Variants in OTOGL observed in about 807,000 individuals in gnomAD.
OTOGL encodes the protein otogelin like.
A neutral mutation model predicts 318.5 loss-of-function variants in OTOGL; 285 were observed. The ratio of observed to expected loss-of-function variants is 0.89; its 90% CI spans 0.81 to 0.99. The LOEUF is 0.99. OTOGL is among the 50% of genes least tolerant of loss of function. The pLI is 0.00. For missense variants in OTOGL, 2,899 were observed against 2,845.6 expected (o/e 1.02, Z -0.43); for synonymous variants, 987 against 936.5 (o/e 1.05, Z -0.99).
intron 1 of OTOGL, among the ~76,000 whole-genome samples, chr12:80,114,273 G>A (rs1424557131): frequency 1.3e-5 from 2 of 151,990 alleles, no homozygotes; most frequent in African/African-American, 4.8e-5. Context: ...TCCATATTTA[G>A]TGCTTCCTTC....
rs1886783866 is a variant in OTOGL, at chr12:80,313,566, G to T, written c.3541G>T (p.Ala1181Ser). 6.2e-7 allele frequency: 1 copy of T among 1,612,022 alleles called. No individual in the cohort carries two copies. Among genetic ancestry groups the T allele is most frequent in the African/African-American group, 1.3e-5 (1 of 74,798 alleles). The change falls in exon 31 of 59, where the codon GCT becomes TCT. Residue 1181 changes from alanine to serine, a missense_variant. Physicochemically the swap from Ala to Ser is moderately conservative, Grantham distance 99. Coordinates refer to ENST00000547103, the MANE Select transcript of OTOGL (RefSeq NM_001378609.3). ...CTGTGAGTGTTTGTGCACTAGTATA[G>T]CTGCATATGCATACAAGTGTTGTCA... is the stretch of plus-strand genomic sequence containing the variant. ...GDCECLCTSI[A>S]AYAYKCCQEG...
intron 7 of OTOGL, among the ~76,000 whole-genome samples, chr12:80,225,901 T>C (rs1878796826): frequency 6.6e-6 from 1 of 152,164 alleles, no homozygotes. Context: ...TAAATTCTAT[T>C]TTATTTTTAT....
chr12:80,139,921 C>T (rs1871820678), intron 1 of OTOGL, among the ~76,000 whole-genome samples: 1 of 152,100 alleles, frequency 6.6e-6, no homozygotes, highest in African/African-American at 2.4e-5. Context: ...CTGACTATTC[C>T]CTAAACTGAT....
At chr12:80,160,203 C>T (rs1873411566) in intron 1 of OTOGL, among the ~76,000 whole-genome samples, 1 of 151,818 alleles carries the variant, frequency 6.6e-6, no homozygotes, top group Admixed American at 6.6e-5. Flanking sequence ...ACTTTATGAC[C>T]AAGAACCCAA....
At chr12:80,241,944 A>C (rs1194279854) in intron 11 of OTOGL, among the ~76,000 whole-genome samples, 1 of 152,048 alleles carries the variant, frequency 6.6e-6, no homozygotes, top group Non-Finnish European at 1.5e-5. Flanking sequence ...TTAAAAAGGG[A>C]GAAAAAAAAC....
Position 80,318,581 on chromosome 12 carries a change from G to A in OTOGL, c.3670G>A (p.Gly1224Arg). 7.1e-7 allele frequency: 1 copy of A among 1,417,944 alleles called. No individual in the cohort carries two copies. The highest frequency in any genetic ancestry group is 9.2e-7 in the Non-Finnish European group (1 of 1,086,360). The allele number at this position is 1,417,944 out of a possible 1,614,324, so 87.8% of individuals were successfully genotyped here. The change falls in exon 33 of 59, where the codon GGG becomes AGG. Residue 1224 changes from glycine to arginine, a missense_variant. Coordinates refer to ENST00000547103, the MANE Select transcript of OTOGL (RefSeq NM_001378609.3). ...AGGACCATATATGCTGGCAAGCTAT[G>A]GGCAGAGTGGCCTTGTTCTGGGGGC... ...GEGPYMLASY[G>R]QSGLVLGANM...
chr12:80,306,267 T>C lies in OTOGL; in HGVS notation c.3333+572T>C, dbSNP rs149370301. 3.3e-5 allele frequency among the ~76,000 whole-genome samples: 5 copies of C among 152,322 alleles called. No homozygotes were observed. In the East Asian group the frequency reaches 5.8e-4, roughly 18 times the overall value. On this transcript the variant is annotated intron_variant, in intron 29 of 58. Transcript: ENST00000547103. ...ATTATAAGCCTATAAAGAAGGGACA[T>C]GTCTGAAGGATTTTCCAAACTTACT...
chr12:80,300,802 C>T (rs1359598609), intron 27 of OTOGL, among the ~76,000 whole-genome samples: 1 of 152,014 alleles, frequency 6.6e-6, no homozygotes, highest in African/African-American at 2.4e-5. Flanking sequence ...ACACCAAGCG[C>T]ACAGGACTTG....
intron 43 of OTOGL, among the ~76,000 whole-genome samples, chr12:80,340,742 G>A (rs1330385770): frequency 2.6e-5 from 4 of 152,120 alleles, no homozygotes; most frequent in Non-Finnish European, 5.9e-5. Context: ...CTTCTAGTGA[G>A]TAAGACTGTT....
At chr12:80,286,524 G>A (rs1884635457) in intron 26 of OTOGL, among the ~76,000 whole-genome samples, 1 of 152,054 alleles carries the variant, frequency 6.6e-6, no homozygotes, top group African/African-American at 2.4e-5. Context: ...TGGTTGGTAG[G>A]CTATTAATTA....
rs760941023 is a variant in OTOGL at position 80,254,525 on chromosome 12, G to T, written c.1396G>T (p.Val466Leu). ...TAATATTTTTATAATTTCTTTTAGT[G>T]TGTGTGTTGGTGGAGTTTGGAACTG... ...SKIEQECTEC[V>L]CVGGVWNCTE... The change falls in exon 15 of 59, where the codon GTG becomes TTG. Residue 466 changes from valine (V) to leucine (L), a missense_variant and splice_region_variant. Physicochemically the swap from Val to Leu is conservative, Grantham distance 32 (BLOSUM62 1). Transcript: ENST00000547103. 3.6e-5 allele frequency: 58 copies of T among 1,604,814 alleles called. No homozygotes were observed. The highest frequency in any genetic ancestry group is 4.9e-5 in the Non-Finnish European group (58 of 1,173,580).
chr12:80,252,006 A>G (rs1881601083), intron 12 of OTOGL, 70 bp from the exon 13 acceptor site: 2 of 1,393,642 alleles, frequency 1.4e-6, no homozygotes, highest in Non-Finnish European at 1.9e-6. Flanking sequence ...GTAAAAAATA[A>G]AATTATAATT....
intron 1 of OTOGL, among the ~76,000 whole-genome samples, chr12:80,137,250 A>G (rs1305721324): frequency 6.6e-6 from 1 of 151,948 alleles, no homozygotes; most frequent in Non-Finnish European, 1.5e-5. Flanking sequence ...GTTATATAAT[A>G]GTATCTCGGT....
At chr12:80,158,437 A>G (rs1012979155) in intron 1 of OTOGL, among the ~76,000 whole-genome samples, 1 of 152,090 alleles carries the variant, frequency 6.6e-6, no homozygotes, top group African/African-American at 2.4e-5. Flanking sequence ...GTGTGGTCAT[A>G]CAGATTTCAG....
In OTOGL at chr12:80,175,653, T is replaced by C. The variant is rs117023172; in HGVS notation, c.-19-33760T>C. On this transcript the variant is annotated intron_variant, in intron 1 of 58. Transcript: ENST00000547103. ...TTTTCCCACACTGAGCTCTTTTTTT[T>C]CCCCAGTAACCTGTGTCAGACTGAG... 6.4e-3 allele frequency among the ~76,000 whole-genome samples: 981 copies of C among 152,274 alleles called. 6 individuals are homozygous for C. Among genetic ancestry groups the C allele is most frequent in the Non-Finnish European group, 0.011 (731 of 68,018 alleles).
chr12:80,119,505 A>C (rs1870361527), intron 1 of OTOGL, among the ~76,000 whole-genome samples: 1 of 152,210 alleles, frequency 6.6e-6, no homozygotes, highest in Non-Finnish European at 1.5e-5. Context: ...TGTGATTACA[A>C]CACTAGCAGC....
chr12:80,109,053 A>G (rs1869673915), intron 1 of OTOGL, among the ~76,000 whole-genome samples: 1 of 150,578 alleles, frequency 6.6e-6, no homozygotes, highest in Non-Finnish European at 1.5e-5. Flanking sequence ...ACTCGTCTCC[A>G]GTCTTTAACC....
chr12:80,304,768 T>A (rs1238041898), intron 28 of OTOGL, among the ~76,000 whole-genome samples: 3 of 152,074 alleles, frequency 2.0e-5, no homozygotes, highest in Non-Finnish European at 4.4e-5. Flanking sequence ...TACTACTAGA[T>A]GAAGGGGGAG....
chr12:80,100,033 T>A (rs1869043215), intron 1 of OTOGL, among the ~76,000 whole-genome samples: 1 of 152,210 alleles, frequency 6.6e-6, no homozygotes, highest in Non-Finnish European at 1.5e-5. Context: ...ATTACACACA[T>A]GGCTCCTGCC....
Sources: allele counts gnomAD v4.1 joint callset (sites outside exome capture counted in the v4.1 genomes callset), GRCh38; gene constraint gnomAD v4.1.1; transcripts MANE v1.5; gene names NCBI Gene and HGNC (gene_info 2026-07-23, HGNC 2026-07-21).